The following GRIN2B variants were observed in gnomAD, a reference collection of about 807,000 sequenced individuals.
GRIN2B encodes glutamate ionotropic receptor NMDA type subunit 2B, also known as glutamate receptor ionotropic, NMDA 2B.
In GRIN2B, 5 loss-of-function variants were observed where a neutral mutation model predicts 114.5. That is an observed-to-expected ratio of 0.04 (90% confidence interval 0.02 to 0.09). GRIN2B has a LOEUF of 0.09. Ranked by LOEUF, GRIN2B falls within the 10% of genes least tolerant of loss-of-function variation. The pLI, the probability that GRIN2B is intolerant of heterozygous loss-of-function variation, is 1.00. For synonymous variants in GRIN2B, 787 were observed against 745.1 expected, an observed-to-expected ratio of 1.06 and a Z score of -0.92; for missense variants, 1,108 against 1,943.5, an observed-to-expected ratio of 0.57 and a Z score of 8.08.
intron 5 of GRIN2B, among the ~76,000 whole-genome samples, chr12:13,631,072 C>T (rs1949611891): frequency 6.6e-6 from 1 of 152,098 alleles, no homozygotes; most frequent in South Asian, 2.1e-4. Flanking sequence ...CATGGGAAGC[C>T]ACCCCCATGA....
chr12:13,922,137 A>T (rs1866834594), intron 2 of GRIN2B, among the ~76,000 whole-genome samples: 1 of 152,184 alleles, frequency 6.6e-6, no homozygotes, highest in Admixed American at 6.5e-5. Flanking sequence ...TATCATTATC[A>T]ATTTTTACTG....
At chr12:13,648,691 A>T (rs1220967707) in intron 5 of GRIN2B, among the ~76,000 whole-genome samples, 1 of 151,806 alleles carries the variant, frequency 6.6e-6, no homozygotes, top group Non-Finnish European at 1.5e-5. Flanking sequence ...TATCATCTCC[A>T]CCTTCCAAGC....
At chr12:13,626,824 T>G (rs1258322164) in intron 5 of GRIN2B, among the ~76,000 whole-genome samples, 2 of 31,728 alleles carry the variant, frequency 6.3e-5, no homozygotes, top group Non-Finnish European at 6.1e-5. Context: ...CCCCCCACCC[T>G]CCCCCCTCCC....
intron 3 of GRIN2B, among the ~76,000 whole-genome samples, chr12:13,840,383 A>C (rs1000046386): frequency 2.0e-5 from 3 of 152,210 alleles, no homozygotes; most frequent in Non-Finnish European, 4.4e-5. Flanking sequence ...AGGAGGTGGC[A>C]GTAAATGAAT....
chr12:13,886,792 T>A (rs932857117), intron 2 of GRIN2B, among the ~76,000 whole-genome samples: 2 of 152,114 alleles, frequency 1.3e-5, no homozygotes, highest in Non-Finnish European at 2.9e-5. Context: ...AACCACATGT[T>A]TAGAGTATGA....
chr12:13,964,969 C>T (rs1046042245), intron 2 of GRIN2B, among the ~76,000 whole-genome samples: 4 of 152,146 alleles, frequency 2.6e-5, no homozygotes, highest in African/African-American at 9.7e-5. Context: ...GGTCCAAGCT[C>T]CCCCAGGTGA....
intron 3 of GRIN2B, among the ~76,000 whole-genome samples, chr12:13,797,543 G>A (rs1217129034): frequency 6.6e-6 from 1 of 152,130 alleles, no homozygotes; most frequent in Non-Finnish European, 1.5e-5. Flanking sequence ...CAGAATGTGG[G>A]TAGGACCTGC....
At chr12:13,705,912 T>A (rs1950355624) in intron 4 of GRIN2B, among the ~76,000 whole-genome samples, 1 of 152,026 alleles carries the variant, frequency 6.6e-6, no homozygotes, top group South Asian at 2.1e-4. Flanking sequence ...ATTAGTGAGG[T>A]AGTAATCATT....
intron 3 of GRIN2B, among the ~76,000 whole-genome samples, chr12:13,818,879 C>T (rs1864879262): frequency 6.6e-6 from 1 of 152,154 alleles, no homozygotes; most frequent in Non-Finnish European, 1.5e-5. Flanking sequence ...AGCTGTTTAG[C>T]AACCCTAGCC....
At chr12:13,621,883 A>C (rs993944767) in intron 5 of GRIN2B, among the ~76,000 whole-genome samples, 1 of 152,056 alleles carries the variant, frequency 6.6e-6, no homozygotes, top group Non-Finnish European at 1.5e-5. Context: ...TGAAATTGGC[A>C]CCAATTAGCA....
In GRIN2B at chr12:13,548,858, A is replaced by T. The variant is rs1184326872; in HGVS notation, c.*13925T>A. 6.6e-6 allele frequency: 1 copy of T among 152,140 alleles called. No individual in the cohort carries two copies. The highest frequency in any genetic ancestry group is 1.5e-5 in the Non-Finnish European group (1 of 68,048). The allele number at this position is 152,140 out of a possible 1,614,324, so 9.4% of individuals were successfully genotyped here. ...GCTACCTCCTCCATTTCCTCCGATC[A>T]TCTGAAACTAGCCTCCTGAACCAGG... On this transcript the variant is annotated 3_prime_UTR_variant, in exon 14 of 14. Transcript: ENST00000609686.
Position 13,616,636 on chromosome 12 carries a change from A to C in GRIN2B, c.1147T>G (p.Ser383Ala), listed in dbSNP as rs199671864. Residue 383 changes from serine (S) to alanine (A), a missense_variant, in exon 6 of 14, where the codon TCC becomes GCC. Ser to Ala is a moderately conservative substitution (Grantham distance 99, BLOSUM62 1). This residue lies in a region of GRIN2B where 21 missense variants were observed against 25.4 expected (regional missense o/e 0.83). Transcript: ENST00000609686. ...WERVGKWKDKSLQMKYYVWPR... is the reference protein window; with the variant it reads ...WERVGKWKDKALQMKYYVWPR... ...CACACATAGTACTTCATCTGCAGGG[A>C]CTTGTCTTTCCACTTCCCCACCTGC... The C allele has an allele frequency of 1.9e-6, 3 of 1,613,850 alleles. No homozygotes were observed. The African/African-American group carries it at 4.0e-5, about 22-fold the overall frequency.
chr12:13,633,962 AT>A (rs1407860154), intron 5 of GRIN2B, among the ~76,000 whole-genome samples: 3 of 152,098 alleles, frequency 2.0e-5, no homozygotes, highest in Non-Finnish European at 4.4e-5. Flanking sequence ...ACAGCAGATA[AT>A]CCATTTATGG....
chr12:13,693,118 T>C (rs1358508639), intron 4 of GRIN2B, among the ~76,000 whole-genome samples: 2 of 152,124 alleles, frequency 1.3e-5, no homozygotes, highest in Non-Finnish European at 2.9e-5. Context: ...TAATGTTTAA[T>C]ATTAGAAGTG....
At chr12:13,679,515 A>G (rs150124400) in intron 4 of GRIN2B, among the ~76,000 whole-genome samples, 514 of 152,272 alleles carry the variant, frequency 3.4e-3, no homozygotes, top group Middle Eastern at 6.8e-3. Flanking sequence ...TATCTACCTA[A>G]GCACTCCTCA....
intron 2 of GRIN2B, among the ~76,000 whole-genome samples, chr12:13,883,463 T>C (rs1272105463): frequency 6.6e-6 from 1 of 152,146 alleles, no homozygotes; most frequent in East Asian, 1.9e-4. Flanking sequence ...CTGCCTTTGG[T>C]CCTTCTTTCT....
intron 5 of GRIN2B, among the ~76,000 whole-genome samples, chr12:13,645,106 T>C (rs1949750351): frequency 6.6e-6 from 1 of 152,158 alleles, no homozygotes; most frequent in Admixed American, 6.6e-5. Flanking sequence ...TCAGCCTTTC[T>C]AGGTTTTCCA....
chr12:13,909,071 G>A (rs924111836), intron 2 of GRIN2B, among the ~76,000 whole-genome samples: 1 of 152,124 alleles, frequency 6.6e-6, no homozygotes, highest in East Asian at 1.9e-4. Context: ...AAAATGACAT[G>A]AATATACTTT....
intron 2 of GRIN2B, among the ~76,000 whole-genome samples, chr12:13,949,578 T>C (rs141486169): frequency 4.6e-5 from 7 of 152,140 alleles, no homozygotes; most frequent in African/African-American, 1.7e-4. Flanking sequence ...TATGGCCTCA[T>C]GATCAATATA....
Sources: gnomAD v4.1 joint callset for allele counts (sites outside exome capture counted in the v4.1 genomes callset) on GRCh38, gnomAD v4.1.1 for gene constraint, gnomAD v4.1.1 regional missense constraint, MANE v1.5 for transcripts, NCBI Gene and HGNC (gene_info 2026-07-23, HGNC 2026-07-21) for gene names.